TRPM3: variants seen among roughly 807,000 people sequenced by gnomAD.
TRPM3 encodes transient receptor potential cation channel subfamily M member 3, also known as long transient receptor potential channel 3.
In TRPM3, 77 loss-of-function variants were observed where a neutral mutation model predicts 181.2. That is an observed-to-expected ratio of 0.42 (90% confidence interval 0.35 to 0.51). TRPM3 has a LOEUF of 0.51. Ranked by LOEUF, TRPM3 falls within the 20% of genes least tolerant of loss-of-function variation. The pLI is 0.01. For synonymous variants in TRPM3, 745 were observed against 796.4 expected (o/e 0.94, Z 1.09); for missense variants, 1,759 against 2,196.7 (o/e 0.80, Z 3.98).
rs71367253 is a variant in TRPM3, at chr9:71,080,171, A to AAAATAAATAAATAAATAAAT, written c.177+40987_177+41006dup. ...GACAACAAGAGTCAAACTCCATCTC[A>AAAATAAATAAATAAATAAAT]AAATAAATAAATAAATAAATAAATA... On this transcript the variant is annotated intron_variant, in intron 1 of 25. Transcript: ENST00000677713. 3.9e-3 allele frequency among the ~76,000 whole-genome samples: 522 copies of AAAATAAATAAATAAATAAAT among 133,190 alleles called. 2 individuals carry two copies. Among genetic ancestry groups the AAAATAAATAAATAAATAAAT allele is most frequent in the African/African-American group, 5.4e-3 (186 of 34,574 alleles). 87.4% of individuals were successfully genotyped at this position (133,190 alleles called of 152,430 possible).
At chr9:71,138,942 A>G (rs1438649932) in intron 1 of TRPM3, among the ~76,000 whole-genome samples, 1 of 152,186 alleles carries the variant, frequency 6.6e-6, no homozygotes, top group Admixed American at 6.6e-5. Context: ...AAATTCTAAC[A>G]TATAGCTTGT....
At position 70,532,612 on chromosome 9, in the gene TRPM3, T is replaced by C. The variant is rs4744600; in HGVS notation, c.*3341A>G. 0.33 allele frequency: 49,180 copies of C among 150,868 alleles called. 9,147 individuals are homozygous for C. Among genetic ancestry groups the C allele is most frequent in the East Asian group, 0.53 (2,748 of 5,148 alleles). The allele number at this position is 150,868 out of a possible 1,614,324, so 9.3% of individuals were successfully genotyped here. A position where few individuals can be genotyped will look rare whatever the true frequency, so the allele number is the denominator to read the frequency against. ...AAGTATATTGGTTAAGCAGGAGACC[T>C]CCATGGTCATTTTCATAAAACATCC... On this transcript the variant is annotated 3_prime_UTR_variant, in exon 26 of 26. Coordinates refer to ENST00000677713, the MANE Select transcript of TRPM3 (RefSeq NM_001366145.2).
At chr9:71,162,388 AACAG>A (rs1485273492) in intron 1 of TRPM3, among the ~76,000 whole-genome samples, 1 of 152,096 alleles carries the variant, frequency 6.6e-6, no homozygotes, top group Non-Finnish European at 1.5e-5. Context: ...AGGATATGAC[AACAG>A]ACAAAGATAA....
chr9:70,692,174 A>T (rs1383386050), intron 8 of TRPM3, among the ~76,000 whole-genome samples: 3 of 152,184 alleles, frequency 2.0e-5, no homozygotes, highest in African/African-American at 7.2e-5. Flanking sequence ...CATTATCACC[A>T]AGCACTTTTC....
chr9:71,353,995 T>G (rs1430906308), intron 1 of TRPM3, among the ~76,000 whole-genome samples: 1 of 152,176 alleles, frequency 6.6e-6, no homozygotes, highest in Admixed American at 6.5e-5. Context: ...CTATTCCATC[T>G]CATGGCCTCT....
At chr9:70,678,082 G>A (rs535588335) in intron 9 of TRPM3, among the ~76,000 whole-genome samples, 1 of 152,196 alleles carries the variant, frequency 6.6e-6, no homozygotes, top group African/African-American at 2.4e-5. Context: ...CAGGGGCAGT[G>A]GAAGGCTAAT....
intron 1 of TRPM3, among the ~76,000 whole-genome samples, chr9:71,263,031 T>C (rs1458906654): frequency 6.6e-6 from 1 of 152,218 alleles, no homozygotes; most frequent in Non-Finnish European, 1.5e-5. Context: ...AATTTTGTTT[T>C]AAAGCATTCA....
chr9:71,434,372 C>T (rs73472662), intron 1 of TRPM3, among the ~76,000 whole-genome samples: 3 of 152,058 alleles, frequency 2.0e-5, no homozygotes, highest in African/African-American at 4.8e-5. Flanking sequence ...CAAAAGACAG[C>T]CACCTAGGAA....
intron 8 of TRPM3, among the ~76,000 whole-genome samples, chr9:70,760,445 C>T (rs1464109255): frequency 6.8e-6 from 1 of 147,930 alleles, no homozygotes; most frequent in Non-Finnish European, 1.5e-5. Context: ...GTGGTACCTT[C>T]GTGCGTAGTA....
At chr9:71,235,974 A>C (rs1000765612) in intron 1 of TRPM3, among the ~76,000 whole-genome samples, 1 of 152,222 alleles carries the variant, frequency 6.6e-6, no homozygotes, top group East Asian at 1.9e-4. Flanking sequence ...GTTGTACATT[A>C]ATTTCTTACC....
At chr9:71,025,630 A>G (rs541621494) in intron 1 of TRPM3, among the ~76,000 whole-genome samples, 1 of 152,354 alleles carries the variant, frequency 6.6e-6, no homozygotes, top group East Asian at 1.9e-4. Context: ...GCGCAGAAAC[A>G]AAAAGCCAGA....
At chr9:70,803,747 G>T (rs2089941332) in intron 6 of TRPM3, among the ~76,000 whole-genome samples, 2 of 151,348 alleles carry the variant, frequency 1.3e-5, no homozygotes, top group Non-Finnish European at 2.9e-5. Flanking sequence ...ACCACGCCCG[G>T]CCGAGCTCCC....
intron 22 of TRPM3, among the ~76,000 whole-genome samples, chr9:70,565,594 A>T (rs554473286): frequency 1.4e-5 from 2 of 146,426 alleles, no homozygotes; most frequent in Non-Finnish European, 3.0e-5. Context: ...TGCCCAGCCT[A>T]GATTTATCTG....
chr9:71,275,301 C>G (rs1335364870), intron 1 of TRPM3, among the ~76,000 whole-genome samples: 1 of 152,028 alleles, frequency 6.6e-6, no homozygotes, highest in African/African-American at 2.4e-5. Flanking sequence ...AAATTTTTTT[C>G]TACCAGTTAC....
chr9:70,863,811 A>C (rs996170847), intron 2 of TRPM3, among the ~76,000 whole-genome samples: 1 of 152,128 alleles, frequency 6.6e-6, no homozygotes, highest in Non-Finnish European at 1.5e-5. Flanking sequence ...TATAGATGAA[A>C]TATTGTAGTT....
chr9:71,385,135 A>C (rs981462308), intron 1 of TRPM3, among the ~76,000 whole-genome samples: 1 of 152,200 alleles, frequency 6.6e-6, no homozygotes, highest in Non-Finnish European at 1.5e-5. Context: ...AGGGGAGCCC[A>C]AAATCCCAAT....
intron 1 of TRPM3, among the ~76,000 whole-genome samples, chr9:71,253,566 T>C (rs2082485940): frequency 6.6e-6 from 1 of 152,156 alleles, no homozygotes; most frequent in African/African-American, 2.4e-5. Flanking sequence ...TTCACACATA[T>C]TAAAATGGAG....
intron 21 of TRPM3, among the ~76,000 whole-genome samples, chr9:70,594,195 T>C (rs970614555): frequency 2.0e-5 from 3 of 151,776 alleles, no homozygotes; most frequent in African/African-American, 7.2e-5. Context: ...TGTTTTATTT[T>C]ATTTGTAAAA....
chr9:71,054,939 A>G (rs1783339575), intron 1 of TRPM3, among the ~76,000 whole-genome samples: 1 of 152,134 alleles, frequency 6.6e-6, no homozygotes, highest in Non-Finnish European at 1.5e-5. Flanking sequence ...ATTTTTTAAA[A>G]TGATGCATAT....
Sources: gnomAD v4.1 joint callset for allele counts (sites outside exome capture counted in the v4.1 genomes callset) on GRCh38, gnomAD v4.1.1 for gene constraint, MANE v1.5 for transcripts, NCBI Gene and HGNC (gene_info 2026-07-23, HGNC 2026-07-21) for gene names.